The following SBF2 variants were observed in gnomAD, a reference collection of about 807,000 sequenced individuals.
SBF2 encodes myotubularin-related protein 13.
SBF2 carries 112 observed loss-of-function variants against 225.2 expected under a neutral mutation model. The observed-to-expected ratio is 0.50, with a 90% CI of 0.43 to 0.58. SBF2 has a LOEUF of 0.58. SBF2 is among the 20% of genes least tolerant of loss of function. The probability of loss-of-function intolerance (pLI) is 0.00; values close to 1 mark genes in which losing one functional copy is unlikely to be tolerated. For synonymous variants in SBF2, 763 were observed against 773.3 expected (o/e 0.99, Z 0.22); for missense variants, 1,996 against 2,206.2 (o/e 0.90, Z 1.91).
chr11:10,241,480 CA>C (rs1425886080), intron 1 of SBF2, among the ~76,000 whole-genome samples: 1 of 151,578 alleles, frequency 6.6e-6, no homozygotes, highest in Admixed American at 6.6e-5. Context: ...ATTTTTAATA[CA>C]AAAAAATATA....
chr11:9,937,050 A>G (rs548424785), intron 16 of SBF2, among the ~76,000 whole-genome samples: 3 of 152,312 alleles, frequency 2.0e-5, no homozygotes, highest in East Asian at 3.9e-4. Flanking sequence ...GAACATACTC[A>G]AAGTATAGGA....
At chr11:10,219,122 G>C (rs1958245042) in intron 1 of SBF2, among the ~76,000 whole-genome samples, 1 of 152,188 alleles carries the variant, frequency 6.6e-6, no homozygotes, top group Non-Finnish European at 1.5e-5. Context: ...TGCCCTAACA[G>C]AGGTTCTCCA....
At chr11:9,916,508 C>T (rs1231271033) in intron 16 of SBF2, among the ~76,000 whole-genome samples, 1 of 151,906 alleles carries the variant, frequency 6.6e-6, no homozygotes, top group Admixed American at 6.6e-5. Flanking sequence ...TGAAGTGTTA[C>T]AGGTGGTCAG....
intron 22 of SBF2, among the ~76,000 whole-genome samples, chr11:9,848,760 C>T (rs1856726006): frequency 6.6e-6 from 1 of 152,218 alleles, no homozygotes; most frequent in African/African-American, 2.4e-5. Context: ...CGGGCTAAGA[C>T]ACTTTTCTCC....
At chr11:10,145,239 CCAAA>C (rs1382340709) in intron 2 of SBF2, among the ~76,000 whole-genome samples, 1 of 152,120 alleles carries the variant, frequency 6.6e-6, no homozygotes, top group Non-Finnish European at 1.5e-5. Flanking sequence ...GCTATGACTG[CCAAA>C]CAGAGTACCA....
intron 16 of SBF2, among the ~76,000 whole-genome samples, chr11:9,943,632 CACTTATT>C (rs1307398757): frequency 6.6e-6 from 1 of 151,912 alleles, no homozygotes; most frequent in African/African-American, 2.4e-5. Context: ...AAAATTGTTC[CACTTATT>C]AGTCATCAGG....
intron 17 of SBF2, among the ~76,000 whole-genome samples, chr11:9,864,901 T>G (rs1052890645): frequency 3.3e-5 from 5 of 152,112 alleles, no homozygotes; most frequent in African/African-American, 1.2e-4. Context: ...TCCCCATTTT[T>G]GGCCAGTTTT....
At chr11:9,992,360 A>T in intron 12 of SBF2, 55 bp downstream of exon 12, 1 of 1,446,164 alleles carries the variant, frequency 6.9e-7, no homozygotes, top group African/African-American at 1.4e-5. Context: ...TTTTACTTTT[A>T]ACTACTAGTC....
At chr11:10,267,258 C>T (rs1962084775) in intron 1 of SBF2, among the ~76,000 whole-genome samples, 1 of 151,538 alleles carries the variant, frequency 6.6e-6, no homozygotes, top group Admixed American at 6.6e-5. Context: ...GCTATACAAA[C>T]CCGAAACTGT....
intron 1 of SBF2, among the ~76,000 whole-genome samples, chr11:10,222,882 A>G (rs908161556): frequency 6.6e-6 from 1 of 152,176 alleles, no homozygotes; most frequent in Non-Finnish European, 1.5e-5. Context: ...GCATAAATGG[A>G]TTAATTACCC....
intron 1 of SBF2, among the ~76,000 whole-genome samples, chr11:10,280,901 T>G (rs1247594179): frequency 6.6e-6 from 1 of 152,180 alleles, no homozygotes; most frequent in African/African-American, 2.4e-5. Context: ...CAGATATAGA[T>G]TATGTGTACA....
At chr11:10,097,853 T>G (rs986261596) in intron 2 of SBF2, among the ~76,000 whole-genome samples, 2 of 150,956 alleles carry the variant, frequency 1.3e-5, no homozygotes, top group African/African-American at 4.9e-5. Flanking sequence ...GCATAGTGAG[T>G]TCCTGTCTTC....
At chr11:9,825,180 TA>T (rs1854996502) in intron 28 of SBF2, among the ~76,000 whole-genome samples, 1 of 152,102 alleles carries the variant, frequency 6.6e-6, no homozygotes, top group Non-Finnish European at 1.5e-5. Context: ...CCTAATTCAA[TA>T]TGACTGGTGT....
At chr11:10,270,674 G>C (rs1221952141) in intron 1 of SBF2, among the ~76,000 whole-genome samples, 1 of 152,170 alleles carries the variant, frequency 6.6e-6, no homozygotes, top group Non-Finnish European at 1.5e-5. Flanking sequence ...TATATAAATG[G>C]ATAGATGCTA....
At chr11:9,952,719 C>T (rs189249166) in intron 16 of SBF2, among the ~76,000 whole-genome samples, 1 of 152,270 alleles carries the variant, frequency 6.6e-6, no homozygotes, top group East Asian at 1.9e-4. Flanking sequence ...CCACAGGTTA[C>T]TCCATCTACT....
chr11:10,197,594 T>C (rs1159875295), intron 1 of SBF2, among the ~76,000 whole-genome samples: 3 of 152,204 alleles, frequency 2.0e-5, no homozygotes, highest in South Asian at 2.1e-4. Context: ...GCGGCAATTA[T>C]TGAAAACGAG....
chr11:9,797,511 G>A (rs1207848568), intron 32 of SBF2, among the ~76,000 whole-genome samples: 4 of 152,192 alleles, frequency 2.6e-5, no homozygotes, highest in African/African-American at 9.7e-5. Flanking sequence ...ATCTCCACAG[G>A]ACAGCAGAGC....
chr11:9,792,063 T>G (rs775629433), intron 33 of SBF2, among the ~76,000 whole-genome samples: 2 of 152,202 alleles, frequency 1.3e-5, no homozygotes, highest in Non-Finnish European at 2.9e-5. Flanking sequence ...TAATCCAGTA[T>G]GTAATAATCA....
chr11:10,166,427 C>T (rs1374766391), intron 2 of SBF2, among the ~76,000 whole-genome samples: 1 of 151,946 alleles, frequency 6.6e-6, no homozygotes, highest in Non-Finnish European at 1.5e-5. Flanking sequence ...CCTTTTTATA[C>T]AAATAACTGT....
Sources: allele counts gnomAD v4.1 joint callset (sites outside exome capture counted in the v4.1 genomes callset), GRCh38; gene constraint gnomAD v4.1.1; transcripts MANE v1.5; gene names NCBI Gene and HGNC (gene_info 2026-07-23, HGNC 2026-07-21).